The following MCM9 variants were observed in gnomAD, a reference collection of about 807,000 sequenced individuals.
The protein encoded by MCM9 is minichromosome maintenance 9 homologous recombination repair factor.
In MCM9, 55 loss-of-function variants were observed where a neutral mutation model predicts 72.8. The observed-to-expected ratio is 0.76, with a 90% CI of 0.61 to 0.95. The LOEUF (loss-of-function observed/expected upper bound fraction) is 0.95. MCM9 is among the 40% of genes least tolerant of loss of function. The pLI is 0.00. For missense variants in MCM9, 1,279 were observed against 1,377.0 expected (o/e 0.93, Z 1.13); for synonymous variants, 480 against 503.4 (o/e 0.95, Z 0.62).
intron 8 of MCM9, among the ~76,000 whole-genome samples, chr6:118,860,974 C>A (rs1023892674): frequency 1.3e-4 from 20 of 152,208 alleles, no homozygotes; most frequent in African/African-American, 4.6e-4. Flanking sequence ...GCTTGTTCCA[C>A]CCATTCAGCC....
At chr6:118,871,875 C>T (rs571020951) in intron 8 of MCM9, among the ~76,000 whole-genome samples, 1 of 152,040 alleles carries the variant, frequency 6.6e-6, no homozygotes. Flanking sequence ...CCACCGAATT[C>T]CAGCCTGGCG....
chr6:118,893,999 C>A, intron 8 of MCM9: 1 of 984,768 alleles, frequency 1.0e-6, no homozygotes, highest in South Asian at 4.6e-5. Flanking sequence ...GGCCTCCGCG[C>A]GGGCCTCCCA....
At chr6:118,896,198 T>G (rs142485899) in intron 8 of MCM9, among the ~76,000 whole-genome samples, 1 of 152,280 alleles carries the variant, frequency 6.6e-6, no homozygotes, top group Admixed American at 6.5e-5. Flanking sequence ...TTGATTACTC[T>G]CCTATGATAC....
At chr6:118,888,017 A>G (rs751833874) in intron 8 of MCM9, among the ~76,000 whole-genome samples, 1 of 152,228 alleles carries the variant, frequency 6.6e-6, no homozygotes, top group Non-Finnish European at 1.5e-5. Context: ...GCCAATAAGC[A>G]TATGAAAGAT....
intron 13 of MCM9, among the ~76,000 whole-genome samples, chr6:118,821,480 C>T (rs924194871): frequency 3.3e-5 from 5 of 152,100 alleles, no homozygotes; most frequent in Non-Finnish European, 4.4e-5. Flanking sequence ...GGGTTTCTGC[C>T]GAGAGATCTG....
intron 13 of MCM9, among the ~76,000 whole-genome samples, chr6:118,817,024 G>A (rs534133058): frequency 3.3e-5 from 5 of 152,168 alleles, no homozygotes; most frequent in South Asian, 2.1e-4. Flanking sequence ...TACTTTCTAC[G>A]AATGAAAGAT....
intron 9 of MCM9, among the ~76,000 whole-genome samples, chr6:118,848,332 A>G (rs1168135134): frequency 6.6e-6 from 1 of 151,884 alleles, no homozygotes; most frequent in Non-Finnish European, 1.5e-5. Context: ...CCAAGTGAGG[A>G]GAAATGAGGC....
intron 1 of MCM9, chr6:118,934,512 G>C (rs1262446180): frequency 6.6e-6 from 1 of 151,656 alleles, no homozygotes; most frequent in Non-Finnish European, 1.5e-5. Flanking sequence ...CACCTGCCGG[G>C]AGCCCCGCCC....
At chr6:118,930,775 C>T (rs541774884) in intron 3 of MCM9, among the ~76,000 whole-genome samples, 4 of 152,270 alleles carry the variant, frequency 2.6e-5, no homozygotes, top group Non-Finnish European at 4.4e-5. Flanking sequence ...AATTGTTACA[C>T]TATAGTGTCA....
rs1781652163 is a variant in MCM9 at position 118,923,947 on chromosome 6, T to G, written c.485A>C (p.Gln162Pro). The change falls in exon 4 of 14, where the codon CAG (glutamine) becomes CCG (proline). Residue 162 changes from glutamine to proline, a missense_variant. Transcript: ENST00000619706. ...HVFVIKADFE[Q>P]YYTFCRPSSC... ...GGATGGCCGGCAAAAGGTGTAATAC[T>G]GCTCAAAGTCAGCCTTGATCACAAA... The G allele has an allele frequency of 6.2e-7, 1 of 1,614,260 alleles. No individual in the cohort carries two copies. The highest frequency in any genetic ancestry group is 8.5e-7 in the Non-Finnish European group (1 of 1,180,050).
Position 118,815,210 on chromosome 6 carries a change from T to C in MCM9, c.3046A>G (p.Ile1016Val). 6.4e-7 allele frequency: 1 copy of C among 1,550,664 alleles called. No homozygotes were observed. Among genetic ancestry groups the C allele is most frequent in the South Asian group, 1.2e-5 (1 of 84,060 alleles). ...TTCCCAAGCTCTAATTCAGGCTGAA[T>C]AATCCTCTTCTCAGGGGCACACATC... is the stretch of plus-strand genomic sequence containing the variant. ...KVMCAPEKRIIQPELELGNET... is the reference protein window; with the variant it reads ...KVMCAPEKRIVQPELELGNET... The change falls in exon 14 of 14, where the codon ATT (isoleucine) becomes GTT (valine). Residue 1016 changes from isoleucine (I) to valine (V), a missense_variant. Ile to Val is a conservative substitution (Grantham distance 29). Transcript: ENST00000619706.
At chr6:118,911,876 C>T in intron 7 of MCM9, 107 bp from the exon 8 acceptor site, 2 of 779,266 alleles carry the variant, frequency 2.6e-6, no homozygotes, top group Non-Finnish European at 4.0e-6. Context: ...TACATAGGGT[C>T]GTTTGAGAAA....
chr6:118,916,498 G>A (rs997262141), intron 6 of MCM9, among the ~76,000 whole-genome samples: 8 of 149,010 alleles, frequency 5.4e-5, no homozygotes, highest in Non-Finnish European at 7.4e-5. Flanking sequence ...TCACTCTGTC[G>A]CCCAGGCTGG....
chr6:118,827,104 C>T (rs974896231), intron 11 of MCM9, among the ~76,000 whole-genome samples: 7 of 152,108 alleles, frequency 4.6e-5, no homozygotes, highest in African/African-American at 1.7e-4. Context: ...ACTCTGGGCT[C>T]TAGCAAAAAA....
chr6:118,929,814 T>G (rs891679260), intron 3 of MCM9, among the ~76,000 whole-genome samples: 11 of 152,182 alleles, frequency 7.2e-5, no homozygotes, highest in South Asian at 2.1e-4. Context: ...CTCTAATTTT[T>G]AAAAAAGGCT....
chr6:118,840,394 G>C (rs1474927766), intron 9 of MCM9, among the ~76,000 whole-genome samples: 2 of 152,040 alleles, frequency 1.3e-5, no homozygotes, highest in Non-Finnish European at 2.9e-5. Flanking sequence ...TTAAGTCACT[G>C]TTTGCTATAG....
At chr6:118,902,819 C>G (rs1178341777) in intron 8 of MCM9, among the ~76,000 whole-genome samples, 1 of 152,180 alleles carries the variant, frequency 6.6e-6, no homozygotes, top group Non-Finnish European at 1.5e-5. Context: ...GACTAAATTA[C>G]AGCTTTTGTT....
In MCM9 at chr6:118,813,576, A is replaced by G. The variant is rs1370454647; in HGVS notation, c.*1248T>C. 2 of 152,236 alleles carry G rather than the reference A, an allele frequency of 1.3e-5. No homozygotes were observed. The highest frequency in any genetic ancestry group is 4.8e-5 in the African/African-American group (2 of 41,466). 9.4% of individuals were successfully genotyped at this position (152,236 alleles called of 1,614,324 possible). On this transcript the variant is annotated 3_prime_UTR_variant, in exon 14 of 14. Coordinates refer to ENST00000619706, the MANE Select transcript of MCM9 (RefSeq NM_017696.3). ...GAATGAAGTGAAAATTAAACAAAAT[A>G]CATATAGTTTTGAGTATTCTATGTC...
intron 8 of MCM9, chr6:118,910,643 A>C: frequency 1.0e-6 from 1 of 985,352 alleles, no homozygotes; most frequent in Non-Finnish European, 1.2e-6. Flanking sequence ...TTTTATACAG[A>C]ACTCTAGAAC....
Sources: allele counts gnomAD v4.1 joint callset (sites outside exome capture counted in the v4.1 genomes callset), GRCh38; gene constraint gnomAD v4.1.1; transcripts MANE v1.5; gene names NCBI Gene and HGNC (gene_info 2026-07-23, HGNC 2026-07-21).